The following TMEM131 variants were observed in gnomAD, a reference collection of about 807,000 sequenced individuals.
TMEM131 encodes the protein transmembrane protein 131.
In TMEM131, 66 loss-of-function variants were observed where a neutral mutation model predicts 211.6. The observed-to-expected ratio is 0.31, with a 90% confidence interval of 0.26 to 0.38. The LOEUF is 0.38. TMEM131 is among the 10% of genes least tolerant of loss of function. TMEM131 has a pLI of 1.00. For missense variants in TMEM131, 2,036 were observed against 2,299.3 expected (o/e 0.89, Z 2.34); for synonymous variants, 844 against 841.3 (o/e 1.00, Z -0.06).
intron 1 of TMEM131, among the ~76,000 whole-genome samples, chr2:97,965,795 G>A (rs1229468930): frequency 6.6e-6 from 1 of 151,706 alleles, no homozygotes; most frequent in Non-Finnish European, 1.5e-5. Context: ...TCCTAGACAG[G>A]CTAACTTCAA....
chr2:97,846,672 G>A (rs1019290522), intron 5 of TMEM131, among the ~76,000 whole-genome samples: 1 of 152,028 alleles, frequency 6.6e-6, no homozygotes, highest in African/African-American at 2.4e-5. Flanking sequence ...TAAGTTTTTT[G>A]GTGCCTTTTT....
intron 2 of TMEM131, among the ~76,000 whole-genome samples, chr2:97,917,822 T>C (rs1454960092): frequency 2.0e-5 from 3 of 152,116 alleles, no homozygotes; most frequent in African/African-American, 7.2e-5. Flanking sequence ...TTTCATCAGG[T>C]AGGTAAGGTA....
intron 1 of TMEM131, among the ~76,000 whole-genome samples, chr2:97,943,043 A>AG (rs1677851083): frequency 1.4e-5 from 1 of 72,822 alleles, no homozygotes; most frequent in African/African-American, 5.3e-5. Context: ...AAAGAAAAGA[A>AG]AGAAAGAAAG....
chr2:97,882,267 G>C (rs1470258868), intron 4 of TMEM131, among the ~76,000 whole-genome samples: 1 of 152,176 alleles, frequency 6.6e-6, no homozygotes, highest in African/African-American at 2.4e-5. Context: ...TGAGTTAAAA[G>C]TAATATTATC....
At chr2:97,801,837 T>G in intron 25 of TMEM131, 58 bp downstream of exon 25, 1 of 1,302,356 alleles carries the variant, frequency 7.7e-7, no homozygotes, top group South Asian at 1.5e-5. Flanking sequence ...CTTTCATATT[T>G]ATATTGATCA....
intron 33 of TMEM131, among the ~76,000 whole-genome samples, chr2:97,767,140 CTAGGA>C (rs1679209113): frequency 6.6e-6 from 1 of 152,116 alleles, no homozygotes; most frequent in African/African-American, 2.4e-5. Context: ...AGGGAGTGGG[CTAGGA>C]TGAATTTTCT....
At chr2:97,966,681 T>C (rs999473193) in intron 1 of TMEM131, among the ~76,000 whole-genome samples, 1 of 152,154 alleles carries the variant, frequency 6.6e-6, no homozygotes, top group African/African-American at 2.4e-5. Context: ...AACATGAATA[T>C]GCAACAAGAG....
At chr2:97,962,669 C>T (rs1265040338) in intron 1 of TMEM131, among the ~76,000 whole-genome samples, 1 of 152,200 alleles carries the variant, frequency 6.6e-6, no homozygotes, top group Non-Finnish European at 1.5e-5. Context: ...TACAACTCAT[C>T]AATCTACTCC....
At chr2:97,830,600 A>G (rs1180268578) in intron 11 of TMEM131, among the ~76,000 whole-genome samples, 1 of 152,242 alleles carries the variant, frequency 6.6e-6, no homozygotes, top group Non-Finnish European at 1.5e-5. Context: ...GCATATGTTA[A>G]GCTGATATTA....
intron 4 of TMEM131, among the ~76,000 whole-genome samples, chr2:97,879,379 A>C (rs1457515484): frequency 2.0e-5 from 3 of 152,236 alleles, no homozygotes; most frequent in Non-Finnish European, 2.9e-5. Context: ...TATGGTCCTC[A>C]GTATTCCAAT....
chr2:97,876,593 A>G (rs1559417664), intron 4 of TMEM131, among the ~76,000 whole-genome samples: 1 of 152,252 alleles, frequency 6.6e-6, no homozygotes, highest in Non-Finnish European at 1.5e-5. Flanking sequence ...AGAACCAATG[A>G]CAAAAGCCAC....
intron 5 of TMEM131, among the ~76,000 whole-genome samples, chr2:97,852,728 T>C (rs902214506): frequency 2.0e-5 from 3 of 152,194 alleles, no homozygotes; most frequent in African/African-American, 7.2e-5. Flanking sequence ...AAATTTTCCA[T>C]GTAGATCAAG....
At chr2:97,867,628 T>C (rs1200951610) in intron 4 of TMEM131, among the ~76,000 whole-genome samples, 2 of 152,126 alleles carry the variant, frequency 1.3e-5, no homozygotes, top group Admixed American at 6.5e-5. Context: ...GTTCCCCAGG[T>C]TTCAGGCCTG....
chr2:97,773,145 G>A (rs939634683), intron 32 of TMEM131, among the ~76,000 whole-genome samples: 5 of 152,210 alleles, frequency 3.3e-5, no homozygotes, highest in African/African-American at 9.6e-5. Context: ...CTCAGGACAA[G>A]AGAGCAGTGC....
intron 4 of TMEM131, among the ~76,000 whole-genome samples, chr2:97,881,477 C>T (rs1005769606): frequency 1.3e-5 from 2 of 151,766 alleles, no homozygotes; most frequent in Admixed American, 6.6e-5. Flanking sequence ...CATAGGGTTG[C>T]GATTACAGGC....
At chr2:97,911,512 A>T in intron 2 of TMEM131, 2 of 369,944 alleles carry the variant, frequency 5.4e-6, no homozygotes, top group Non-Finnish European at 7.5e-6. Flanking sequence ...CATGAAGTCT[A>T]CAGAAAAGGA....
At position 97,937,500 on chromosome 2, in the gene TMEM131, T is replaced by C. The variant is rs138306557; in HGVS notation, c.188-10013A>G. ...AAGAATATTTGAAGAATAGGTGACA[T>C]TAGTCCAAACTAAACTATTACAAGT... On this transcript the variant is annotated intron_variant, in intron 1 of 40. Coordinates refer to ENST00000186436, the MANE Select transcript of TMEM131 (RefSeq NM_015348.2). 1.4e-3 allele frequency among the ~76,000 whole-genome samples: 219 copies of C among 152,264 alleles called. 4 individuals are homozygous for C. In the East Asian group the frequency reaches 0.036, roughly 25 times the overall value.
intron 5 of TMEM131, among the ~76,000 whole-genome samples, chr2:97,845,889 T>A (rs1486072727): frequency 9.2e-5 from 14 of 151,952 alleles, no homozygotes; most frequent in Admixed American, 9.2e-4. Context: ...AATGTGGACA[T>A]CATTGCATAC....
intron 5 of TMEM131, among the ~76,000 whole-genome samples, chr2:97,857,533 A>G (rs1306267171): frequency 6.6e-6 from 1 of 152,254 alleles, no homozygotes; most frequent in African/African-American, 2.4e-5. Flanking sequence ...AGTTAGAAAT[A>G]AAATGTATAG....
Sources: allele counts gnomAD v4.1 joint callset (sites outside exome capture counted in the v4.1 genomes callset), GRCh38; gene constraint gnomAD v4.1.1; transcripts MANE v1.5; gene names NCBI Gene and HGNC (gene_info 2026-07-23, HGNC 2026-07-21).